The following SRI variants were observed in gnomAD, a reference collection of about 807,000 sequenced individuals.
The protein encoded by SRI is 22 kDa protein.
A neutral mutation model predicts 33.3 loss-of-function variants in SRI; 30 were observed. The ratio of observed to expected loss-of-function variants is 0.90; its 90% confidence interval spans 0.67 to 1.22. The LOEUF is 1.22. Ranked by LOEUF, SRI falls within the 50% of genes most tolerant of loss-of-function variation. SRI has a pLI of 0.00. For synonymous variants in SRI, 75 were observed against 89.9 expected, an observed-to-expected ratio of 0.83 and a Z score of 0.94; for missense variants, 243 against 250.8, an observed-to-expected ratio of 0.97 and a Z score of 0.21.
At position 88,206,380 on chromosome 7, in the gene SRI, C is replaced by G; in HGVS notation, c.*98G>C. On this transcript the variant is annotated 3_prime_UTR_variant, in exon 8 of 8. Coordinates refer to ENST00000265729, the MANE Select transcript of SRI (RefSeq NM_003130.4). ...TTTACAACAGCTGTTAAGAGAAAGTCGTGATGTAAGTTTATACATATTACC... is the reference window on the plus strand; with the variant it reads ...TTTACAACAGCTGTTAAGAGAAAGTGGTGATGTAAGTTTATACATATTACC... 1 of 1,355,624 alleles carries G rather than the reference C, an allele frequency of 7.4e-7. No individual in the cohort carries two copies. The highest frequency in any genetic ancestry group is 1.1e-6 in the Non-Finnish European group (1 of 945,048). 84.0% of individuals were successfully genotyped at this position (1,355,624 alleles called of 1,614,324 possible).
upstream of SRI, among the ~76,000 whole-genome samples, chr7:88,223,479 G>A (rs552861713): frequency 1.9e-4 from 29 of 152,228 alleles, no homozygotes; most frequent in African/African-American, 7.0e-4. Flanking sequence ...GTCTCTGTAT[G>A]AGAGAGTCTA....
rs1408395407 is a variant in SRI, at chr7:88,210,080, A to C, written c.300T>G (p.Ala100=). 1 of 1,614,080 alleles carries C rather than the reference A, an allele frequency of 6.2e-7. No homozygotes were observed. The highest frequency in any genetic ancestry group is 8.5e-7 in the Non-Finnish European group (1 of 1,180,034). The change falls in exon 5 of 8, where the codon GCT becomes GCG. Residue 100 remains alanine (A), a synonymous_variant. Transcript: ENST00000265729. ...MGFNEFKELW[A]VLNGWRQHFI... ...AGTGTTGTCTCCAGCCATTCAGTAC[A>C]GCCCAGAGTTCTTTAAATTCATTGA... is the stretch of plus-strand genomic sequence containing the variant.
chr7:88,226,819 G>A (rs1586726846), intron 1 of SRI: 1 of 1,413,224 alleles, frequency 7.1e-7, no homozygotes, highest in East Asian at 2.3e-5. Context: ...GAACTACAAA[G>A]ATTAGGAACT....
At chr7:88,208,714 G>T in intron 6 of SRI, 149 bp from the exon 7 acceptor site, 1 of 1,182,156 alleles carries the variant, frequency 8.5e-7, no homozygotes, top group South Asian at 1.4e-5. Flanking sequence ...AAGCAAAGAA[G>T]CCAACTATAT....
At chr7:88,214,067 G>A (rs1851648198) in intron 3 of SRI, among the ~76,000 whole-genome samples, 1 of 152,156 alleles carries the variant, frequency 6.6e-6, no homozygotes, top group African/African-American at 2.4e-5. Flanking sequence ...ATGGTAGAGT[G>A]CTGAATTATA....
upstream of SRI, among the ~76,000 whole-genome samples, chr7:88,223,967 G>A (rs760652019): frequency 5.3e-5 from 8 of 152,236 alleles, no homozygotes; most frequent in Non-Finnish European, 8.8e-5. Flanking sequence ...AGAGAACTAT[G>A]TGAGGTTTAT....
intron 3 of SRI, chr7:88,214,938 T>A: frequency 2.9e-6 from 2 of 687,824 alleles, no homozygotes; most frequent in Non-Finnish European, 4.6e-6. Flanking sequence ...GACGAACAAC[T>A]AAATTCAGGG....
At chr7:88,218,984 A>C (rs765872760) in intron 1 of SRI, 42 bp from the exon 2 acceptor site, 1 of 1,582,562 alleles carries the variant, frequency 6.3e-7, no homozygotes, top group East Asian at 2.2e-5. Flanking sequence ...TGCCGAATCA[A>C]GTTTTCTTCT....
At chr7:88,213,457 A>C (rs947784439) in intron 3 of SRI, among the ~76,000 whole-genome samples, 2 of 152,192 alleles carry the variant, frequency 1.3e-5, no homozygotes, top group African/African-American at 4.8e-5. Flanking sequence ...ATGCTGTTCT[A>C]ACAACCTAGG....
At chr7:88,219,604 G>T in intron 1 of SRI, 1 of 265,528 alleles carries the variant, frequency 3.8e-6, no homozygotes. Flanking sequence ...TATCATTCTA[G>T]AATAAAATGA....
At position 88,210,082 on chromosome 7, in the gene SRI, C is replaced by A. The variant is rs1851538095; in HGVS notation, c.298G>T (p.Ala100Ser). 6.2e-7 allele frequency: 1 copy of A among 1,614,142 alleles called. No homozygotes were observed. The highest frequency in any genetic ancestry group is 8.5e-7 in the Non-Finnish European group (1 of 1,180,016). Reference sequence around the variant, plus strand: ...TGTTGTCTCCAGCCATTCAGTACAGCCCAGAGTTCTTTAAATTCATTGAAA... The same window carrying A: ...TGTTGTCTCCAGCCATTCAGTACAGACCAGAGTTCTTTAAATTCATTGAAA... ...MGFNEFKELW[A>S]VLNGWRQHFI... The change falls in exon 5 of 8, where the codon GCT (alanine) becomes TCT (serine). Residue 100 changes from alanine to serine, a missense_variant. Physicochemically the swap from Ala to Ser is moderately conservative, Grantham distance 99. Transcript: ENST00000265729.
intron 1 of SRI, among the ~76,000 whole-genome samples, chr7:88,226,475 C>G (rs1382203337): frequency 6.6e-6 from 1 of 152,130 alleles, no homozygotes; most frequent in Admixed American, 6.5e-5. Flanking sequence ...AATACAATCT[C>G]CATCTGTTCA....
chr7:88,206,391 T>A lies in SRI; in HGVS notation c.*87A>T, dbSNP rs947691208. Reference sequence around the variant, plus strand: ...TGTTAAGAGAAAGTCGTGATGTAAGTTTATACATATTACCGAAGGCAAAGA... The same window carrying A: ...TGTTAAGAGAAAGTCGTGATGTAAGATTATACATATTACCGAAGGCAAAGA... On this transcript the variant is annotated 3_prime_UTR_variant, in exon 8 of 8. Coordinates refer to ENST00000265729, the MANE Select transcript of SRI (RefSeq NM_003130.4). 8.2e-6 allele frequency: 12 copies of A among 1,465,476 alleles called. No homozygotes were observed. The Admixed American group carries it at 1.7e-4, about 20-fold the overall frequency. The allele number at this position is 1,465,476 out of a possible 1,614,324, so 90.8% of individuals were successfully genotyped here.
chr7:88,225,796 AT>A (rs1444137669), intron 1 of SRI, among the ~76,000 whole-genome samples: 3 of 152,330 alleles, frequency 2.0e-5, no homozygotes, highest in Admixed American at 6.5e-5. Flanking sequence ...AGAATATTAA[AT>A]TTAAAGCAAT....
chr7:88,218,151 A>G (rs1851779672), intron 2 of SRI, among the ~76,000 whole-genome samples: 1 of 152,228 alleles, frequency 6.6e-6, no homozygotes. Flanking sequence ...TTATACCAAC[A>G]GTATATTTAC....
At chr7:88,217,376 C>G (rs1851755320) in intron 2 of SRI, among the ~76,000 whole-genome samples, 185 bp from the exon 3 acceptor site, 1 of 152,046 alleles carries the variant, frequency 6.6e-6, no homozygotes, top group African/African-American at 2.4e-5. Flanking sequence ...AACCCACTTC[C>G]AAAAGTAATT....
upstream of SRI, chr7:88,220,204 C>T (rs1421057834): frequency 5.2e-5 from 68 of 1,312,990 alleles, no homozygotes; most frequent in Non-Finnish European, 6.3e-5. Context: ...CCTGCCTGCG[C>T]GCTTCTTCGT....
At chr7:88,215,806 C>T (rs1208089467) in intron 3 of SRI, among the ~76,000 whole-genome samples, 1 of 152,216 alleles carries the variant, frequency 6.6e-6, no homozygotes, top group Non-Finnish European at 1.5e-5. Context: ...CACAGCTAAC[C>T]ATGAAATTGG....
intron 6 of SRI, 81 bp from the exon 7 acceptor site, chr7:88,208,646 G>T: frequency 6.4e-7 from 1 of 1,565,614 alleles, no homozygotes; most frequent in South Asian, 1.2e-5. Flanking sequence ...TTTTGGCATT[G>T]AATTCACATT....
Sources: gnomAD v4.1 joint callset for allele counts (sites outside exome capture counted in the v4.1 genomes callset) on GRCh38, gnomAD v4.1.1 for gene constraint, MANE v1.5 for transcripts, NCBI Gene and HGNC (gene_info 2026-07-23, HGNC 2026-07-21) for gene names.